SNRPN: variants seen among roughly 807,000 people sequenced by gnomAD.
SNRPN encodes small nuclear ribonucleoprotein-associated protein N.
Under a neutral mutation model 25.2 loss-of-function variants are expected in SNRPN, and 7 were observed. The observed-to-expected ratio is 0.28, with a 90% CI of 0.16 to 0.52. The LOEUF (loss-of-function observed/expected upper bound fraction) is 0.52, where lower values mean the gene tolerates loss of function less well. Among genes scored for constraint, SNRPN ranks in the 20% least tolerant of loss-of-function variants. The pLI is 0.96. For missense variants in SNRPN, 196 were observed against 322.5 expected, an observed-to-expected ratio of 0.61 and a Z score of 3.00; for synonymous variants, 124 against 110.6, an observed-to-expected ratio of 1.12 and a Z score of -0.76.
intron 2 of SNRPN, among the ~76,000 whole-genome samples, chr15:24,907,723 G>T (rs1595833979): frequency 6.6e-6 from 1 of 151,852 alleles, no homozygotes; most frequent in African/African-American, 2.4e-5. Flanking sequence ...TGGCACTATA[G>T]GCATAAGCCA....
chr15:24,974,178 C>A, intron 3 of SNRPN, 133 bp from the exon 4 acceptor site: 1 of 469,610 alleles, frequency 2.1e-6, no homozygotes, highest in Non-Finnish European at 3.8e-6. Flanking sequence ...GTGGCAGTCC[C>A]TTGGTGAGGA....
At chr15:24,852,964 G>GGTATTTTT (rs2053017795), upstream of SNRPN, among the ~76,000 whole-genome samples, 5 of 151,970 alleles carry the variant, frequency 3.3e-5, no homozygotes, top group African/African-American at 1.2e-4. Context: ...AAAAATAACA[G>GGTATTTTT]AGAAAAATAA....
chr15:24,956,859 A>G (rs1376610632), intron 1 of SNRPN, among the ~76,000 whole-genome samples: 1 of 152,176 alleles, frequency 6.6e-6, no homozygotes, highest in Non-Finnish European at 1.5e-5. Context: ...GCACTGGGCT[A>G]CTGCTTTTCA....
At chr15:24,954,834 A>G, upstream of SNRPN, 1 of 641,706 alleles carries the variant, frequency 1.6e-6, no homozygotes, top group South Asian at 1.9e-5. Context: ...GGGGTCCAGT[A>G]GCCCCCTCCC....
At chr15:24,905,864 G>T (rs1157784910) in intron 2 of SNRPN, among the ~76,000 whole-genome samples, 1 of 152,172 alleles carries the variant, frequency 6.6e-6, no homozygotes, top group Non-Finnish European at 1.5e-5. Flanking sequence ...TGTCTTTGGT[G>T]ATTACATCCA....
At chr15:24,837,702 A>C (rs1010722742) in intron 2 of SNRPN, among the ~76,000 whole-genome samples, 1 of 151,076 alleles carries the variant, frequency 6.6e-6, no homozygotes, top group Non-Finnish European at 1.5e-5. Flanking sequence ...AGAAAGATTA[A>C]AAGGATTTTG....
upstream of SNRPN, among the ~76,000 whole-genome samples, chr15:24,853,769 A>G (rs1291117335): frequency 2.6e-5 from 4 of 152,184 alleles, no homozygotes; most frequent in African/African-American, 4.8e-5. Flanking sequence ...TACTAATAGC[A>G]TGTCATATCA....
intron 2 of SNRPN, among the ~76,000 whole-genome samples, chr15:24,904,156 CTA>C (rs879399480): frequency 1.3e-4 from 20 of 152,114 alleles, no homozygotes; most frequent in Middle Eastern, 3.4e-3. Flanking sequence ...TGAAACAATG[CTA>C]TGTTTTGCTG....
rs891252573 is a variant in SNRPN, at chr15:24,929,207, A to G, written c.-391+9083A>G. Among the ~76,000 whole-genome samples, 2 of 151,924 alleles carry G rather than the reference A, an allele frequency of 1.3e-5. No individual in the cohort carries two copies. The highest frequency in any genetic ancestry group is 2.4e-5 in the African/African-American group (1 of 41,338). Reference sequence around the variant, plus strand: ...TGTGTATATATATCTTCATGTATTTATAGTGATATTTTCCATCCCAATCTA... The same window carrying G: ...TGTGTATATATATCTTCATGTATTTGTAGTGATATTTTCCATCCCAATCTA... On this transcript the variant is annotated intron_variant, in intron 3 of 11. Transcript: ENST00000400097. This position sits in a 1 kb window ranked among gnomAD's most constrained non-coding sequence, Gnocchi z 5.3.
intron 3 of SNRPN, chr15:24,921,177 C>T (rs925508973): frequency 3.9e-5 from 6 of 152,166 alleles, no homozygotes; most frequent in African/African-American, 1.2e-4. Context: ...GACCCAGAAT[C>T]AACAGAACTG....
intron 3 of SNRPN, among the ~76,000 whole-genome samples, chr15:24,923,255 GT>G (rs1471982400): frequency 1.3e-5 from 2 of 152,112 alleles, no homozygotes; most frequent in African/African-American, 4.8e-5. Flanking sequence ...CTAGTCTGCA[GT>G]TATCACCAAC....
intron 1 of SNRPN, among the ~76,000 whole-genome samples, chr15:24,874,013 C>T (rs1351484734): frequency 7.2e-6 from 1 of 138,646 alleles, no homozygotes; most frequent in Non-Finnish European, 1.5e-5. Context: ...TATTCATCTT[C>T]AGAAAAAAAA....
At chr15:24,890,396 G>T (rs549926672) in intron 2 of SNRPN, among the ~76,000 whole-genome samples, 11 of 152,266 alleles carry the variant, frequency 7.2e-5, no homozygotes, top group Admixed American at 7.2e-4. Context: ...CACCTATCCA[G>T]CTGGGCACAG....
At position 24,929,968 on chromosome 15, in the gene SNRPN, A is replaced by G. The variant is rs1479432864; in HGVS notation, c.-391+9844A>G. Among the ~76,000 whole-genome samples, 1 of 151,914 alleles carries G rather than the reference A, an allele frequency of 6.6e-6. No homozygotes were observed. Among genetic ancestry groups the G allele is most frequent in the Non-Finnish European group, 1.5e-5 (1 of 67,984 alleles). ...TTTGGGAGGCCAAGGCGGGTGGATC[A>G]CGAGGTCAGGAGATCAAGACCCTCC... On this transcript the variant is annotated intron_variant, in intron 3 of 11. Transcript: ENST00000400097. This position sits in a 1 kb window ranked among gnomAD's most constrained non-coding sequence, Gnocchi z 5.3.
At chr15:24,851,119 T>C (rs2052784143) in intron 2 of SNRPN, 1 of 92,242 alleles carries the variant, frequency 1.1e-5, no homozygotes, top group South Asian at 5.6e-4. Flanking sequence ...TGTCTCACTT[T>C]GTTGCCCAGG....
chr15:24,878,359 G>A (rs934580121), intron 1 of SNRPN, among the ~76,000 whole-genome samples: 3 of 151,974 alleles, frequency 2.0e-5, no homozygotes, highest in South Asian at 2.1e-4. Flanking sequence ...AACCCGCAGT[G>A]CGCTACGGGA....
intron 3 of SNRPN, among the ~76,000 whole-genome samples, chr15:24,944,406 T>G (rs1212250196): frequency 1.3e-5 from 2 of 152,190 alleles, no homozygotes; most frequent in Non-Finnish European, 2.9e-5. Context: ...CCTTTTATAC[T>G]TATTTAATTT....
chr15:24,960,916 A>G (rs2074687814), intron 1 of SNRPN, among the ~76,000 whole-genome samples: 2 of 152,166 alleles, frequency 1.3e-5, no homozygotes, highest in South Asian at 4.1e-4. Flanking sequence ...TGTGTCTGTC[A>G]CCTGAAAAAG....
At chr15:24,912,155 C>G (rs2059257639) in intron 2 of SNRPN, among the ~76,000 whole-genome samples, 1 of 152,138 alleles carries the variant, frequency 6.6e-6, no homozygotes, top group Non-Finnish European at 1.5e-5. Flanking sequence ...CCTCCACCAA[C>G]CTTTTGTTTT....
Sources: gnomAD v4.1 joint callset for allele counts (sites outside exome capture counted in the v4.1 genomes callset) on GRCh38, gnomAD v4.1.1 for gene constraint, Gnocchi (gnomAD v3.1) non-coding constraint, MANE v1.5 for transcripts, NCBI Gene and HGNC (gene_info 2026-07-23, HGNC 2026-07-21) for gene names.